The following HEXA variants were observed in gnomAD, a reference collection of about 807,000 sequenced individuals.
HEXA encodes the protein hexosaminidase subunit alpha, also known as beta-hexosaminidase subunit alpha.
HEXA carries 54 observed loss-of-function variants against 73.3 expected under a neutral mutation model. The ratio of observed to expected loss-of-function variants is 0.74; its 90% CI spans 0.59 to 0.92. The LOEUF is 0.92. HEXA is among the 40% of genes least tolerant of loss of function. The pLI is 0.00. For synonymous variants in HEXA, 230 were observed against 246.9 expected (o/e 0.93, Z 0.64); for missense variants, 649 against 653.0 (o/e 0.99, Z 0.07).
At chr15:72,345,777 C>T (rs1345176898) in intron 12 of HEXA, 18 of 620,700 alleles carry the variant, frequency 2.9e-5, no homozygotes, top group Non-Finnish European at 4.5e-5. Flanking sequence ...CTCTTCCTCT[C>T]TCAAAGATAT....
Position 72,356,600 on chromosome 15 carries a change from C to T in HEXA, c.271G>A (p.Glu91Lys), listed in dbSNP as rs756740656. The T allele has an allele frequency of 3.7e-6, 6 of 1,614,158 alleles. No homozygotes were observed. Among genetic ancestry groups the T allele is most frequent in the South Asian group, 3.3e-5 (3 of 91,070 alleles). ...ACAGAGACAACCAACACATTCTTCT[C>T]CAGTGTATGCCGTTTCCCTAGGAAG... ...PYLTGKRHTL[E>K]KNVLVVSVVT... The change falls in exon 2 of 14, where the codon GAG (glutamate) becomes AAG (lysine). Residue 91 changes from glutamate to lysine, a missense_variant. Glu to Lys is a moderately conservative substitution (Grantham distance 56). Coordinates refer to ENST00000268097, the MANE Select transcript of HEXA (RefSeq NM_000520.6).
chr15:72,358,471 T>TA (rs2088813117), intron 1 of HEXA: 1 of 152,254 alleles, frequency 6.6e-6, no homozygotes, highest in Non-Finnish European at 1.5e-5. Context: ...TTTCGATTTT[T>TA]AAAAAATTTA....
chr15:72,353,199 A>G (rs529900628), intron 4 of HEXA, 21 bp from the exon 5 acceptor site: 2 of 1,425,654 alleles, frequency 1.4e-6, no homozygotes, highest in South Asian at 2.3e-5. Context: ...CAAACATTGA[A>G]CATGTCAGTT....
At chr15:72,350,962 G>A (rs991690088) in intron 6 of HEXA, 171 bp downstream of exon 6, 48 of 668,816 alleles carry the variant, frequency 7.2e-5, no homozygotes, top group Non-Finnish European at 1.1e-4. Context: ...GCAAATTATC[G>A]GCAAAGTTTT....
chr15:72,357,906 C>T (rs539510672), intron 1 of HEXA: 1 of 152,282 alleles, frequency 6.6e-6, no homozygotes, highest in African/African-American at 2.4e-5. Flanking sequence ...CCCTGGATCC[C>T]CACACCAATA....
chr15:72,355,900 C>G, intron 2 of HEXA: 1 of 543,562 alleles, frequency 1.8e-6, no homozygotes, highest in Non-Finnish European at 3.5e-6. Context: ...CTGTACAAAG[C>G]ACCACCTACC....
chr15:72,347,619 G>C, intron 10 of HEXA, 67 bp downstream of exon 10: 1 of 1,231,646 alleles, frequency 8.1e-7, no homozygotes. Context: ...TGTAGAGGCA[G>C]GGAGGAGCTG....
rs1389009140 is a variant in HEXA at position 72,344,095 on chromosome 15, C to T, written c.1572G>A (p.Gln524=). ...AQPLNVGFCE[Q]EFEQT ...CTGGGGCTCAGGTCTGTTCAAACTC[C>T]TGCTCACAGAAGCCTACATTGAGGG... is the stretch of plus-strand genomic sequence containing the variant. The change falls in exon 14 of 14, where the codon CAG becomes CAA. Residue 524 remains glutamine (Q), a synonymous_variant. Coordinates refer to ENST00000268097, the MANE Select transcript of HEXA (RefSeq NM_000520.6). 23 of 1,613,830 alleles carry T rather than the reference C, an allele frequency of 1.4e-5. No homozygotes were observed. Among genetic ancestry groups the T allele is most frequent in the Non-Finnish European group, 1.7e-5 (20 of 1,179,886 alleles).
At position 72,347,727 on chromosome 15, in the gene HEXA, C is replaced by G. The variant is rs1451679338; in HGVS notation, c.1105G>C (p.Gly369Arg). 6.2e-7 allele frequency: 1 copy of G among 1,614,214 alleles called. No individual in the cohort carries two copies. Among genetic ancestry groups the G allele is most frequent in the Non-Finnish European group, 8.5e-7 (1 of 1,180,038 alleles). The change falls in exon 10 of 14, where the codon GGC becomes CGC. Residue 369 changes from glycine (G) to arginine (R), a missense_variant. Physicochemically the swap from Gly to Arg is moderately radical, Grantham distance 125 (BLOSUM62 -2). Transcript: ENST00000268097. ...LLDIVSSYGKGYVVWQEVFDN... is the reference protein window; with the variant it reads ...LLDIVSSYGKRYVVWQEVFDN... ...AACACCTCCTGCCACACCACATAGC[C>G]CTTGCCATAAGAAGAGACGATGTCC...
intron 1 of HEXA, 47 bp downstream of exon 1, chr15:72,375,673 C>G: frequency 6.2e-7 from 1 of 1,611,012 alleles, no homozygotes; most frequent in Non-Finnish European, 8.5e-7. Context: ...TGTCCCCAGG[C>G]AGGCACTCTC....
At chr15:72,351,644 G>C (rs2088697890) in intron 5 of HEXA, 1 of 296,414 alleles carries the variant, frequency 3.4e-6, no homozygotes, top group Non-Finnish European at 6.6e-6. Flanking sequence ...TGGGAACTTA[G>C]TAGCCTCTTA....
Position 72,343,415 on chromosome 15 carries a change from A to C in HEXA, c.*662T>G, listed in dbSNP as rs1325824802. 3.9e-5 allele frequency: 6 copies of C among 152,178 alleles called. No homozygotes were observed. The highest frequency in any genetic ancestry group is 3.9e-4 in the Admixed American group (6 of 15,274). 9.4% of individuals were successfully genotyped at this position (152,178 alleles called of 1,614,324 possible). A position where few individuals can be genotyped will look rare whatever the true frequency, so the allele number is the denominator to read the frequency against. On this transcript the variant is annotated 3_prime_UTR_variant, in exon 14 of 14. Coordinates refer to ENST00000268097, the MANE Select transcript of HEXA (RefSeq NM_000520.6). Reference sequence around the variant, plus strand: ...ACAGTCTCAAAAACAAAAACAACAAAAAAACCCACTACCACAGTGCCTAGA... The same window carrying C: ...ACAGTCTCAAAAACAAAAACAACAACAAAACCCACTACCACAGTGCCTAGA...
chr15:72,372,797 T>C (rs2089010350), intron 1 of HEXA, among the ~76,000 whole-genome samples: 1 of 152,180 alleles, frequency 6.6e-6, no homozygotes, highest in Non-Finnish European at 1.5e-5. Context: ...GAATTCTTAG[T>C]TTCAGGTTCA....
intron 9 of HEXA, 24 bp from the exon 10 acceptor site, chr15:72,347,782 T>C (rs943356474): frequency 1.2e-6 from 2 of 1,607,954 alleles, no homozygotes; most frequent in Non-Finnish European, 1.7e-6. Flanking sequence ...GAGTGTCTAG[T>C]AAGTGTCTGC....
chr15:72,344,066 G>A lies in HEXA; in HGVS notation c.*11C>T. The A allele has an allele frequency of 1.2e-6, 2 of 1,612,650 alleles. No individual in the cohort carries two copies. The highest frequency in any genetic ancestry group is 1.7e-6 in the Non-Finnish European group (2 of 1,178,814). ...TCACCTACAGCCAGCACCCTCCTCG[G>A]TGCCTGGGGCTCAGGTCTGTTCAAA... On this transcript the variant is annotated 3_prime_UTR_variant, in exon 14 of 14. Coordinates refer to ENST00000268097, the MANE Select transcript of HEXA (RefSeq NM_000520.6).
intron 2 of HEXA, among the ~76,000 whole-genome samples, chr15:72,356,181 G>C (rs1267352299): frequency 6.6e-6 from 1 of 152,174 alleles, no homozygotes; most frequent in Non-Finnish European, 1.5e-5. Context: ...CTTCATCTCA[G>C]TATAAGTGAC....
intron 1 of HEXA, chr15:72,359,783 G>T (rs1404829197): frequency 3.7e-5 from 5 of 134,814 alleles, no homozygotes; most frequent in Non-Finnish European, 8.0e-5. Context: ...AAATATTTAC[G>T]ATTAAAAAAA....
At chr15:72,355,856 T>C in intron 2 of HEXA, 4 of 592,756 alleles carry the variant, frequency 6.7e-6, no homozygotes, top group South Asian at 6.2e-5. Flanking sequence ...CCCTGGATGA[T>C]GATGTACAGC....
intron 1 of HEXA, among the ~76,000 whole-genome samples, chr15:72,371,457 G>T (rs1276755753): frequency 6.6e-6 from 1 of 151,860 alleles, no homozygotes; most frequent in African/African-American, 2.4e-5. Context: ...AATTAGCTAT[G>T]CACCTGTAGT....
Sources: gnomAD v4.1 joint callset for allele counts (sites outside exome capture counted in the v4.1 genomes callset) on GRCh38, gnomAD v4.1.1 for gene constraint, MANE v1.5 for transcripts, NCBI Gene and HGNC (gene_info 2026-07-23, HGNC 2026-07-21) for gene names.